Variants in RBM33 observed in about 807,000 individuals in gnomAD.
The protein encoded by RBM33 is RNA-binding protein 33.
RBM33 carries 28 observed loss-of-function variants against 132.6 expected under a neutral mutation model. That is an observed-to-expected ratio of 0.21 (90% CI 0.16 to 0.29). RBM33 has a LOEUF of 0.29. Among genes scored for constraint, RBM33 ranks in the 10% least tolerant of loss-of-function variants. The pLI, the probability that RBM33 is intolerant of heterozygous loss-of-function variation, is 1.00. For synonymous variants in RBM33, 634 were observed against 593.0 expected (o/e 1.07, Z -1.01); for missense variants, 1,291 against 1,518.5 (o/e 0.85, Z 2.49).
At position 155,711,285 on chromosome 7, in the gene RBM33, T is replaced by G. The variant is rs1800286287; in HGVS notation, c.1031T>G (p.Leu344Arg). Residue 344 changes from leucine to arginine, a missense_variant, in exon 8 of 18, where the codon CTG (leucine) becomes CGG (arginine). Physicochemically the swap from Leu to Arg is moderately radical, Grantham distance 102 (BLOSUM62 -2). Transcript: ENST00000401878. ...TTCCAGCCGCAGCCGCTGCAGCCGCTGCTTCCGGTGCAGCACCCGCACCAC... is the reference window on the plus strand; with the variant it reads ...TTCCAGCCGCAGCCGCTGCAGCCGCGGCTTCCGGTGCAGCACCCGCACCAC... ...SLFQPQPLQP[L>R]LPVQHPHHPS... 1 of 1,605,874 alleles carries G rather than the reference T, an allele frequency of 6.2e-7. No individual in the cohort carries two copies. Among genetic ancestry groups the G allele is most frequent in the Non-Finnish European group, 8.5e-7 (1 of 1,176,608 alleles).
Position 155,721,004 on chromosome 7 carries a change from G to A in RBM33, c.1260+2561G>A, listed in dbSNP as rs1018666494. On this transcript the variant is annotated intron_variant, in intron 9 of 17. Coordinates refer to ENST00000401878, the MANE Select transcript of RBM33 (RefSeq NM_053043.3). ...AAAATAGATTTGAATTCAGAAATCT[G>A]TGTGCCAGTTGTTATGAAATTTGCA... 3.3e-5 allele frequency among the ~76,000 whole-genome samples: 5 copies of A among 152,198 alleles called. No homozygotes were observed. In the East Asian group the frequency reaches 7.7e-4, roughly 23 times the overall value.
intron 5 of RBM33, among the ~76,000 whole-genome samples, chr7:155,687,099 G>T (rs1466865809): frequency 2.6e-5 from 4 of 152,214 alleles, no homozygotes; most frequent in Non-Finnish European, 5.9e-5. Context: ...CCCACCAACA[G>T]TGTAAAAGTA....
intron 14 of RBM33, 128 bp from the exon 15 acceptor site, chr7:155,763,684 G>T (rs759528375): frequency 1.2e-6 from 1 of 811,674 alleles, no homozygotes; most frequent in African/African-American, 1.7e-5. Context: ...GACAAGTTTC[G>T]AGTCACACTT....
chr7:155,714,437 GGAGGCAGAGGTGGCACGGATCT>G (rs2037369716), intron 8 of RBM33, among the ~76,000 whole-genome samples: 1 of 152,168 alleles, frequency 6.6e-6, no homozygotes, highest in Non-Finnish European at 1.5e-5. Flanking sequence ...CACCAGGACT[GGAGGCAGAGGTGGCACGGATCT>G]GAGGCAGGGC....
intron 15 of RBM33, among the ~76,000 whole-genome samples, chr7:155,765,095 G>A (rs1281956346): frequency 6.6e-5 from 10 of 152,078 alleles, no homozygotes; most frequent in South Asian, 2.1e-4. Flanking sequence ...ACGCGCACAC[G>A]CACAGCACAC....
chr7:155,721,474 A>C (rs991160007), intron 9 of RBM33, among the ~76,000 whole-genome samples: 3 of 152,210 alleles, frequency 2.0e-5, no homozygotes, highest in Non-Finnish European at 2.9e-5. Context: ...TAGTAGAATT[A>C]TATCACATGC....
At chr7:155,738,543 T>C (rs1194732164) in intron 11 of RBM33, 140 bp downstream of exon 11, 1 of 848,240 alleles carries the variant, frequency 1.2e-6, no homozygotes, top group Admixed American at 3.1e-5. Flanking sequence ...ATGTACTGTT[T>C]GTTAAAGACA....
chr7:155,673,595 C>T (rs7780580), intron 3 of RBM33, among the ~76,000 whole-genome samples: 1 of 94,294 alleles, frequency 1.1e-5, no homozygotes, highest in African/African-American at 4.6e-5. Context: ...TATATATATA[C>T]ACACATATAC....
In RBM33 at chr7:155,745,186, G is replaced by A. The variant is rs140507569; in HGVS notation, c.2563G>A (p.Gly855Ser). 3.2e-5 allele frequency: 52 copies of A among 1,610,956 alleles called. No homozygotes were observed. Among genetic ancestry groups the A allele is most frequent in the East Asian group, 2.9e-4 (13 of 44,818 alleles). The change falls in exon 14 of 18, where the codon GGT becomes AGT. Residue 855 changes from glycine (G) to serine (S), a missense_variant. Coordinates refer to ENST00000401878, the MANE Select transcript of RBM33 (RefSeq NM_053043.3). This position sits in a 1 kb window ranked among gnomAD's most constrained non-coding sequence, Gnocchi z 4.1. ...GGCACTGTCACCATCACCCACCAAC[G>A]GTAACCCACTGTTGCCCTTTCCAGG... ...EQALSPSPTN[G>S]NPLLPFPGAQ... is the part of the protein sequence containing the mutation.
At position 155,711,359 on chromosome 7, in the gene RBM33, A is replaced by G. The variant is rs1800292603; in HGVS notation, c.1105A>G (p.Arg369Gly). 1.3e-6 allele frequency: 2 copies of G among 1,596,420 alleles called. No individual in the cohort carries two copies. Among genetic ancestry groups the G allele is most frequent in the African/African-American group, 1.4e-5 (1 of 73,870 alleles). Residue 369 changes from arginine (R) to glycine (G), a missense_variant, in exon 8 of 18, where the codon AGG becomes GGG. Arg to Gly is a moderately radical substitution (Grantham distance 125, BLOSUM62 -2). This residue lies in a region of RBM33 where 146 missense variants were observed against 137.1 expected (regional missense o/e 1.07). Transcript: ENST00000401878. ...CATGCCTCCCCAGCTAGAGACCCCA[A>G]GGATGATGATGACCCCGCCACCCGT... is the stretch of plus-strand genomic sequence containing the variant. ...MHMPPQLETP[R>G]MMMTPPPVTP...
chr7:155,678,851 T>G (rs1473384683), intron 4 of RBM33, among the ~76,000 whole-genome samples, 167 bp downstream of exon 4: 3 of 152,166 alleles, frequency 2.0e-5, no homozygotes, highest in East Asian at 3.8e-4. Flanking sequence ...CATATGGATG[T>G]TCTGTAAACA....
chr7:155,764,010 G>A lies in RBM33; in HGVS notation c.3178G>A (p.Ala1060Thr). 1 of 1,544,700 alleles carries A rather than the reference G, an allele frequency of 6.5e-7. No individual in the cohort carries two copies. Among genetic ancestry groups the A allele is most frequent in the African/African-American group, 1.4e-5 (1 of 73,180 alleles). The change falls in exon 15 of 18, where the codon GCG (alanine) becomes ACG (threonine). Residue 1060 changes from alanine to threonine, a missense_variant. Physicochemically the swap from Ala to Thr is moderately conservative, Grantham distance 58. Coordinates refer to ENST00000401878, the MANE Select transcript of RBM33 (RefSeq NM_053043.3). ...GIKSIQGIHP[A>T]KKAIMHGRGR... ...CAAAAGCATCCAAGGAATTCACCCG[G>A]CGAAGAAGGTACTGCTTGTTGCCTC...
chr7:155,707,827 T>A (rs1456758126), intron 7 of RBM33, among the ~76,000 whole-genome samples: 2 of 152,166 alleles, frequency 1.3e-5, no homozygotes, highest in African/African-American at 2.4e-5. Flanking sequence ...CAGTTAATTT[T>A]AAAAATATTT....
intron 1 of RBM33, among the ~76,000 whole-genome samples, chr7:155,648,232 A>G (rs988011878): frequency 2.0e-5 from 3 of 152,220 alleles, no homozygotes; most frequent in African/African-American, 4.8e-5. Context: ...GTATATTTCA[A>G]ACAAATCCTA....
chr7:155,748,074 A>G (rs1277939728), intron 14 of RBM33, among the ~76,000 whole-genome samples: 2 of 152,234 alleles, frequency 1.3e-5, no homozygotes, highest in Non-Finnish European at 2.9e-5. Context: ...TCAGGAGCCG[A>G]GGGCTGAGCA....
At chr7:155,710,717 G>A (rs1214784765) in intron 7 of RBM33, among the ~76,000 whole-genome samples, 4 of 152,064 alleles carry the variant, frequency 2.6e-5, no homozygotes, top group African/African-American at 4.8e-5. Flanking sequence ...CTCTCCTGGA[G>A]GCTCTTTGTG....
rs35396377 is a variant in RBM33 at position 155,742,229 on chromosome 7, C to CTTTTT, written c.2337+132_2337+136dup. 1.0e-5 allele frequency: 7 copies of CTTTTT among 693,534 alleles called. No homozygotes were observed. The African/African-American group carries it at 1.1e-4, about 11-fold the overall frequency. The allele number at this position is 693,534 out of a possible 1,614,324, so 43.0% of individuals were successfully genotyped here. A position where few individuals can be genotyped will look rare whatever the true frequency, so the allele number is the denominator to read the frequency against. ...ATCTTCCCACTTTTTTCACCTGGGT[C>CTTTTT]TTTTTTTTTTTTTAACCTAACAGCC... On this transcript the variant is annotated intron_variant, in intron 13 of 17. Transcript: ENST00000401878.
chr7:155,701,020 A>C (rs1329287802), intron 6 of RBM33, 76 bp downstream of exon 6: 4 of 1,304,768 alleles, frequency 3.1e-6, no homozygotes, highest in African/African-American at 2.9e-5. Flanking sequence ...TAATTAATCA[A>C]AGTAGGCAAA....
chr7:155,645,028 A>C, intron 1 of RBM33, 109 bp downstream of exon 1: 1 of 782,692 alleles, frequency 1.3e-6, no homozygotes, highest in South Asian at 2.0e-5. Context: ...CCCGGCTCCG[A>C]CTCTCTTTGT....
Sources: gnomAD v4.1 joint callset for allele counts (sites outside exome capture counted in the v4.1 genomes callset) on GRCh38, gnomAD v4.1.1 for gene constraint, gnomAD v4.1.1 regional missense constraint, Gnocchi (gnomAD v3.1) non-coding constraint, MANE v1.5 for transcripts, NCBI Gene and HGNC (gene_info 2026-07-23, HGNC 2026-07-21) for gene names.